The following ZNF622 variants were observed in gnomAD, a reference collection of about 807,000 sequenced individuals.
The protein encoded by ZNF622 is zinc finger protein 622.
ZNF622 carries 34 observed loss-of-function variants against 49.7 expected under a neutral mutation model. The ratio of observed to expected loss-of-function variants is 0.68; its 90% CI spans 0.52 to 0.91. ZNF622 has a LOEUF of 0.91. ZNF622 is among the 40% of genes least tolerant of loss of function. The pLI is 0.00. For synonymous variants in ZNF622, 209 were observed against 228.7 expected, an observed-to-expected ratio of 0.91 and a Z score of 0.78; for missense variants, 569 against 616.4, an observed-to-expected ratio of 0.92 and a Z score of 0.81.
chr5:16,451,543 G>T lies in ZNF622; in HGVS notation c.*114C>A. ...ATATGGTTCTAACTTTTATTATTAG[G>T]TCAGAACGAATGAAGTAGCAGCAAA... On this transcript the variant is annotated 3_prime_UTR_variant, in exon 6 of 6. Transcript: ENST00000308683. 7.2e-7 allele frequency: 1 copy of T among 1,391,138 alleles called. No homozygotes were observed. The highest frequency in any genetic ancestry group is 9.7e-7 in the Non-Finnish European group (1 of 1,029,948). 86.2% of individuals were successfully genotyped at this position (1,391,138 alleles called of 1,614,324 possible).
chr5:16,451,798 G>A lies in ZNF622; in HGVS notation c.1307-14C>T, dbSNP rs1737938527. 1 of 1,606,612 alleles carries A rather than the reference G, an allele frequency of 6.2e-7. No individual in the cohort carries two copies. Among genetic ancestry groups the A allele is most frequent in the African/African-American group, 1.3e-5 (1 of 74,648 alleles). On this transcript the variant is annotated splice_polypyrimidine_tract_variant and intron_variant, in intron 5 of 5. Transcript: ENST00000308683. ...TAAGAGCCGCTCCTATGATTGGAAG[G>A]CAGTTAAGAAATTAGGCAAAGTTCT...
rs781718414 is a variant in ZNF622 at position 16,463,469 on chromosome 5, C to G, written c.886+13G>C. ...GATTATTTCCTCATTAAAAGGAAAA[C>G]TATTGTACTTACCCAAGTATTTAAT... On this transcript the variant is annotated intron_variant, in intron 2 of 5. Transcript: ENST00000308683. The surrounding 1 kb of genome is among the most constrained non-coding windows in gnomAD (Gnocchi z 4.2). 6.2e-7 allele frequency: 1 copy of G among 1,606,008 alleles called. No individual in the cohort carries two copies.
chr5:16,452,559 T>C (rs1191933163), intron 5 of ZNF622, among the ~76,000 whole-genome samples: 1 of 152,326 alleles, frequency 6.6e-6, no homozygotes, highest in South Asian at 2.1e-4. Context: ...CTTATTACTA[T>C]CATCTCTGTT....
intron 3 of ZNF622, among the ~76,000 whole-genome samples, chr5:16,461,736 T>G (rs945272427): frequency 6.6e-6 from 1 of 152,202 alleles, no homozygotes; most frequent in African/African-American, 2.4e-5. Flanking sequence ...AGTTAATGAT[T>G]CCTTTTGGAC....
Position 16,465,500 on chromosome 5 carries a change from C to T in ZNF622, c.166G>A (p.Ala56Thr). 1 of 1,614,188 alleles carries T rather than the reference C, an allele frequency of 6.2e-7. No homozygotes were observed. Among genetic ancestry groups the T allele is most frequent in the Non-Finnish European group, 8.5e-7 (1 of 1,180,022 alleles). Residue 56 changes from alanine (A) to threonine (T), a missense_variant, in exon 1 of 6, where the codon GCC becomes ACC. Physicochemically the swap from Ala to Thr is moderately conservative, Grantham distance 58. Coordinates refer to ENST00000308683, the MANE Select transcript of ZNF622 (RefSeq NM_033414.3). This position sits in a 1 kb window ranked among gnomAD's most constrained non-coding sequence, Gnocchi z 6.2. ...CCCTTGCTCTCCTCCTCCGCGACGG[C>T]CCGCTGCGCCCGCACTCGCTCCTGG... ...GFQERVRAQR[A>T]VAEEESKGSA...
At chr5:16,461,613 G>A (rs2126494147) in intron 3 of ZNF622, among the ~76,000 whole-genome samples, 1 of 152,270 alleles carries the variant, frequency 6.6e-6, no homozygotes, top group South Asian at 2.1e-4. Flanking sequence ...GAAAATAGAA[G>A]AATAAAGGAA....
At chr5:16,464,914 A>T in intron 1 of ZNF622, 127 bp downstream of exon 1, 411 of 978,502 alleles carry the variant, frequency 4.2e-4, no homozygotes, top group Middle Eastern at 6.8e-4. Context: ...CGTCTAAACC[A>T]CCTTCCCTCA....
rs535134577 is a variant in ZNF622 at position 16,462,531 on chromosome 5, G to A, written c.1049+577C>T. 7.5e-4 allele frequency among the ~76,000 whole-genome samples: 114 copies of A among 152,226 alleles called. 1 individual carries two copies. Among genetic ancestry groups the A allele is most frequent in the Middle Eastern group, 6.8e-3 (2 of 294 alleles). ...ACAAAAATTAGCAGGGCATATTGGT[G>A]CACACTAGCTGCTGGGGAGGCTGTG... On this transcript the variant is annotated intron_variant, in intron 3 of 5. Transcript: ENST00000308683.
chr5:16,452,655 G>A (rs1353943832), intron 5 of ZNF622, among the ~76,000 whole-genome samples: 1 of 152,088 alleles, frequency 6.6e-6, no homozygotes, highest in Non-Finnish European at 1.5e-5. Flanking sequence ...CATAAGTCAC[G>A]TCTGACTCCA....
chr5:16,464,918 T>G, intron 1 of ZNF622, 123 bp downstream of exon 1: 3 of 1,374,720 alleles, frequency 2.2e-6, no homozygotes, highest in Non-Finnish European at 2.0e-6. Context: ...TAAACCACCT[T>G]CCCTCATCAT....
chr5:16,457,000 T>G (rs1205900460), intron 4 of ZNF622, among the ~76,000 whole-genome samples: 1 of 152,134 alleles, frequency 6.6e-6, no homozygotes, highest in East Asian at 1.9e-4. Flanking sequence ...GGGCTTGGCT[T>G]TGGCGGTCAA....
At chr5:16,453,541 T>C (rs1221825067) in intron 4 of ZNF622, among the ~76,000 whole-genome samples, 11 of 139,824 alleles carry the variant, frequency 7.9e-5, no homozygotes, top group African/African-American at 2.6e-4. Context: ...GCGTTTTATA[T>C]ATATAAATAA....
chr5:16,451,778 G>A lies in ZNF622; in HGVS notation c.1313C>T (p.Ala438Val). 1.9e-6 allele frequency: 3 copies of A among 1,612,728 alleles called. No individual in the cohort carries two copies. Among genetic ancestry groups the A allele is most frequent in the Non-Finnish European group, 1.7e-6 (2 of 1,179,640 alleles). ...CTGCATGTCTCGCTCTCGCATAAGA[G>A]CCGCTCCTATGATTGGAAGGCAGTT... ...ALGWTGSTGA[A>V]LMRERDMQYV... The change falls in exon 6 of 6, where the codon GCT (alanine) becomes GTT (valine). Residue 438 changes from alanine (A) to valine (V), a missense_variant. Transcript: ENST00000308683.
Position 16,464,233 on chromosome 5 carries a change from T to C in ZNF622, c.626-491A>G, listed in dbSNP as rs1561070815. ...TGGCATTAAGAGGTGGGGCCTTTAGTGGGTGATTAGGTTAGGCAAGCACTA... is the reference window on the plus strand; with the variant it reads ...TGGCATTAAGAGGTGGGGCCTTTAGCGGGTGATTAGGTTAGGCAAGCACTA... On this transcript the variant is annotated intron_variant, in intron 1 of 5. Coordinates refer to ENST00000308683, the MANE Select transcript of ZNF622 (RefSeq NM_033414.3). Among the ~76,000 whole-genome samples, 7 of 149,828 alleles carry C rather than the reference T, an allele frequency of 4.7e-5. No homozygotes were observed. The South Asian group carries it at 8.3e-4, about 18-fold the overall frequency.
chr5:16,451,688 TG>T lies in ZNF622; in HGVS notation c.1402del (p.Gln468ArgfsTer8), dbSNP rs1737935574. On this transcript the variant is annotated frameshift_variant, in exon 6 of 6. Transcript: ENST00000308683. LOFTEE classifies it high-confidence loss of function. ...KTGMKNNATKQMHFRVQVRF is the reference protein window; with the variant it reads ...KTGMKNNATKXMHFRVQVRF ...TCTCACTTGGACCCGAAAGTGCATC[TG>T]CTTGGTGGCATTGTTCTTCATTCCT... 2 of 1,614,140 alleles carry T rather than the reference TG, an allele frequency of 1.2e-6. No homozygotes were observed. Among genetic ancestry groups the T allele is most frequent in the South Asian group, 1.1e-5 (1 of 91,080 alleles).
rs1737970790 is a variant in ZNF622, at chr5:16,453,571, A to ATAAT, written c.1163-416_1163-415insATTA. On this transcript the variant is annotated intron_variant, in intron 4 of 5. Transcript: ENST00000308683. ...AAATAAATAAAAATTATATATATAT[A>ATAAT]TATATATATATATATATATATATAT... Among the ~76,000 whole-genome samples, 3 of 43,824 alleles carry ATAAT rather than the reference A, an allele frequency of 6.8e-5. No individual in the cohort carries two copies. In the South Asian group the frequency reaches 2.7e-3, roughly 40 times the overall value. The allele number at this position is 43,824 out of a possible 152,430, so 28.8% of individuals were successfully genotyped here. A position where few individuals can be genotyped will look rare whatever the true frequency, so the allele number is the denominator to read the frequency against.
chr5:16,465,540 C>T lies in ZNF622; in HGVS notation c.126G>A (p.Val42=). 6.2e-7 allele frequency: 1 copy of T among 1,613,904 alleles called. No homozygotes were observed. The highest frequency in any genetic ancestry group is 8.5e-7 in the Non-Finnish European group (1 of 1,179,946). The change falls in exon 1 of 6, where the codon GTG becomes GTA. Residue 42 remains valine, a synonymous_variant. Coordinates refer to ENST00000308683, the MANE Select transcript of ZNF622 (RefSeq NM_033414.3). This position sits in a 1 kb window ranked among gnomAD's most constrained non-coding sequence, Gnocchi z 6.2. The part of the protein sequence containing the change: ...LRRKVASMAP[V]TAEGFQERVR... ...CTCGCTCCTGGAAGCCCTCGGCGGT[C>T]ACTGGGGCCATGCTGGCCACCTTCC...
intron 3 of ZNF622, among the ~76,000 whole-genome samples, chr5:16,458,917 T>G (rs965667307): frequency 2.6e-5 from 4 of 152,214 alleles, no homozygotes; most frequent in Non-Finnish European, 5.9e-5. Flanking sequence ...GCAGCTATAC[T>G]CAATTTAACC....
At chr5:16,451,928 C>G in intron 5 of ZNF622, 144 bp from the exon 6 acceptor site, 1 of 965,652 alleles carries the variant, frequency 1.0e-6, no homozygotes, top group African/African-American at 1.6e-5. Context: ...CTTGGGGTCT[C>G]TAAGCCATGC....
Sources: gnomAD v4.1 joint callset for allele counts (sites outside exome capture counted in the v4.1 genomes callset) on GRCh38, gnomAD v4.1.1 for gene constraint, Gnocchi (gnomAD v3.1) non-coding constraint, MANE v1.5 for transcripts, NCBI Gene and HGNC (gene_info 2026-07-23, HGNC 2026-07-21) for gene names.